The following PCDHGA2 variants were observed in gnomAD, a reference collection of about 807,000 sequenced individuals.
PCDHGA2 encodes the protein protocadherin gamma-A2.
PCDHGA2 carries 40 observed loss-of-function variants against 59.2 expected under a neutral mutation model. That is an observed-to-expected ratio of 0.68 (90% CI 0.52 to 0.88). The LOEUF (loss-of-function observed/expected upper bound fraction) is 0.88, where lower values mean the gene tolerates loss of function less well. Among genes scored for constraint, PCDHGA2 ranks in the 40% least tolerant of loss-of-function variants. The probability of loss-of-function intolerance (pLI) is 0.00; values close to 1 mark genes in which losing one functional copy is unlikely to be tolerated. For synonymous variants in PCDHGA2, 560 were observed against 526.0 expected (o/e 1.06, Z -0.89); for missense variants, 1,226 against 1,204.0 (o/e 1.02, Z -0.27).
intron 1 of PCDHGA2, chr5:141,371,315 G>A: frequency 6.2e-7 from 1 of 1,613,958 alleles, no homozygotes; most frequent in Non-Finnish European, 8.5e-7. Context: ...TTGGAGAACT[G>A]GACTTTGAAG....
At chr5:141,345,140 C>G in intron 1 of PCDHGA2, 1 of 1,613,916 alleles carries the variant, frequency 6.2e-7, no homozygotes, top group Non-Finnish European at 8.5e-7. Flanking sequence ...TTGCTCTTAT[C>G]GACGTGCATG....
Position 141,485,987 on chromosome 5 carries a change from G to T in PCDHGA2, c.2425-8820G>T. 1 of 1,614,170 alleles carries T rather than the reference G, an allele frequency of 6.2e-7. No homozygotes were observed. On this transcript the variant is annotated intron_variant, in intron 1 of 3. Transcript: ENST00000394576. The surrounding 1 kb of genome is among the most constrained non-coding windows in gnomAD (Gnocchi z 5.7). ...GCTCAATGCCTCAGACCCGGACCTG[G>T]GTCCCAGTGGTAACGTCACCTTTTA...
At chr5:141,360,660 C>G in intron 1 of PCDHGA2, 1 of 1,613,968 alleles carries the variant, frequency 6.2e-7, no homozygotes, top group Non-Finnish European at 8.5e-7. Context: ...TTAATGACAA[C>G]GAGTACTTTG....
intron 1 of PCDHGA2, chr5:141,351,672 G>A (rs1429208209): frequency 8.7e-6 from 14 of 1,613,984 alleles, no homozygotes; most frequent in Non-Finnish European, 1.1e-5. Flanking sequence ...GCACAAGTAA[G>A]CGCCTCCGAC....
At position 141,410,285 on chromosome 5, in the gene PCDHGA2, G is replaced by T. The variant is rs746596172; in HGVS notation, c.2424+68890G>T. 7 of 1,614,010 alleles carry T rather than the reference G, an allele frequency of 4.3e-6. No homozygotes were observed. The Admixed American group carries it at 1.2e-4, about 27-fold the overall frequency. ...TGAACTGCAGTTTTACCTGGTGGTGGCCTTGGCCTTAATCTCAGTGCTCTT... is the reference window on the plus strand; with the variant it reads ...TGAACTGCAGTTTTACCTGGTGGTGTCCTTGGCCTTAATCTCAGTGCTCTT... On this transcript the variant is annotated intron_variant, in intron 1 of 3. Coordinates refer to ENST00000394576, the MANE Select transcript of PCDHGA2 (RefSeq NM_018915.4).
At chr5:141,421,913 T>C in intron 1 of PCDHGA2, 1 of 1,613,710 alleles carries the variant, frequency 6.2e-7, no homozygotes, top group Non-Finnish European at 8.5e-7. Context: ...GCAGTTCCCA[T>C]TCGTGTGGTG....
At position 141,477,112 on chromosome 5, in the gene PCDHGA2, A is replaced by C. The variant is rs745449028; in HGVS notation, c.2425-17695A>C. The C allele has an allele frequency of 2.5e-6, 4 of 1,614,262 alleles. No homozygotes were observed. The South Asian group carries it at 4.4e-5, about 18-fold the overall frequency. Reference sequence around the variant, plus strand: ...CCAAAGACAAGGGCGCCAATCCCGAAGGAGCACATTGCAAAGTGTTGGTGG... The same window carrying C: ...CCAAAGACAAGGGCGCCAATCCCGACGGAGCACATTGCAAAGTGTTGGTGG... On this transcript the variant is annotated intron_variant, in intron 1 of 3. Transcript: ENST00000394576. This position sits in a 1 kb window ranked among gnomAD's most constrained non-coding sequence, Gnocchi z 4.9.
chr5:141,398,945 T>G, intron 1 of PCDHGA2: 3 of 1,613,974 alleles, frequency 1.9e-6, no homozygotes, highest in Non-Finnish European at 2.5e-6. Context: ...GACGAGGGCA[T>G]CAACTCAGAA....
intron 1 of PCDHGA2, chr5:141,366,502 G>A (rs1764600117): frequency 1.9e-6 from 3 of 1,614,150 alleles, no homozygotes; most frequent in Non-Finnish European, 1.7e-6. Context: ...AGTCACGCCT[G>A]CTTCAGGCTG....
chr5:141,487,404 C>A lies in PCDHGA2; in HGVS notation c.2425-7403C>A, dbSNP rs771371344. 1.2e-6 allele frequency: 2 copies of A among 1,614,178 alleles called. No homozygotes were observed. Among genetic ancestry groups the A allele is most frequent in the Non-Finnish European group, 1.7e-6 (2 of 1,180,032 alleles). ...AGATCTCGAAGGAGGGAGGGGCTTC[C>A]CCCTTCCAATGGGATCCTCCGAATC... is the stretch of plus-strand genomic sequence containing the variant. On this transcript the variant is annotated intron_variant, in intron 1 of 3. Coordinates refer to ENST00000394576, the MANE Select transcript of PCDHGA2 (RefSeq NM_018915.4). The surrounding 1 kb of genome is among the most constrained non-coding windows in gnomAD (Gnocchi z 5.0).
chr5:141,475,980 C>G (rs758066578), intron 1 of PCDHGA2: 3 of 1,028,500 alleles, frequency 2.9e-6, no homozygotes, highest in Admixed American at 2.4e-5. Context: ...ACTGAACAGC[C>G]GGCGAGCAAA....
At chr5:141,418,604 G>A in intron 1 of PCDHGA2, 2 of 1,614,040 alleles carry the variant, frequency 1.2e-6, no homozygotes, top group Non-Finnish European at 1.7e-6. Context: ...CGTGTACAGG[G>A]TTAGCCTTCG....
rs751278055 is a variant in PCDHGA2, at chr5:141,375,013, G to A, written c.2424+33618G>A. ...CAACTTCTGCAAATCTAGACTATGAGGACTCGAGTTTTTATGAGCTGGGTG... is the reference window on the plus strand; with the variant it reads ...CAACTTCTGCAAATCTAGACTATGAAGACTCGAGTTTTTATGAGCTGGGTG... On this transcript the variant is annotated intron_variant, in intron 1 of 3. Transcript: ENST00000394576. 6.8e-6 allele frequency: 11 copies of A among 1,613,886 alleles called. No homozygotes were observed. In the African/African-American group the frequency reaches 1.3e-4, roughly 20 times the overall value.
intron 1 of PCDHGA2, among the ~76,000 whole-genome samples, chr5:141,459,312 G>A (rs968359414): frequency 6.6e-6 from 1 of 152,084 alleles, no homozygotes; most frequent in African/African-American, 2.4e-5. Flanking sequence ...ATACTATTTT[G>A]TATCCATCTT....
chr5:141,427,805 A>G lies in PCDHGA2; in HGVS notation c.2425-67002A>G, dbSNP rs1010656936. The G allele has an allele frequency of 3.3e-6, 5 of 1,520,154 alleles. No homozygotes were observed. In the African/African-American group the frequency reaches 4.1e-5, roughly 12 times the overall value. 94.2% of individuals were successfully genotyped at this position (1,520,154 alleles called of 1,614,324 possible). ...TGTCGTCCTACGTGTCCGTGAGCGC[A>G]CAGAGCGGGGTGGTGGTCGCGCAGC... On this transcript the variant is annotated intron_variant, in intron 1 of 3. Coordinates refer to ENST00000394576, the MANE Select transcript of PCDHGA2 (RefSeq NM_018915.4).
chr5:141,417,028 GTTT>G, intron 1 of PCDHGA2: 2 of 150,056 alleles, frequency 1.3e-5, no homozygotes, highest in East Asian at 3.9e-4. Flanking sequence ...AAAAATACAG[GTTT>G]TTTTTTTAAA....
intron 1 of PCDHGA2, chr5:141,415,367 CT>C (rs2095859649): frequency 6.2e-7 from 1 of 1,614,118 alleles, no homozygotes; most frequent in African/African-American, 1.3e-5. Flanking sequence ...CTGCTGCAGG[CT>C]TCAGGAGGCG....
intron 1 of PCDHGA2, chr5:141,408,888 A>G: frequency 1.2e-6 from 2 of 1,613,352 alleles, no homozygotes; most frequent in Non-Finnish European, 1.7e-6. Context: ...GCTCACATAG[A>G]AATTTCTGTC....
intron 1 of PCDHGA2, among the ~76,000 whole-genome samples, chr5:141,368,532 G>A (rs768576370): frequency 6.6e-6 from 1 of 152,082 alleles, no homozygotes; most frequent in Non-Finnish European, 1.5e-5. Context: ...GTGAAAACTT[G>A]CTTTTCCATT....
Sources: allele counts gnomAD v4.1 joint callset (sites outside exome capture counted in the v4.1 genomes callset), GRCh38; gene constraint gnomAD v4.1.1; non-coding constraint Gnocchi (gnomAD v3.1); transcripts MANE v1.5; gene names NCBI Gene and HGNC (gene_info 2026-07-23, HGNC 2026-07-21).